Variants in CCDC148 observed in about 807,000 individuals in gnomAD.
CCDC148 encodes the protein coiled-coil domain containing 148.
A neutral mutation model predicts 85.7 loss-of-function variants in CCDC148; 89 were observed. The ratio of observed to expected loss-of-function variants is 1.04; its 90% CI spans 0.87 to 1.24. CCDC148 has a LOEUF of 1.24. Ranked by LOEUF, CCDC148 falls within the 50% of genes most tolerant of loss-of-function variation. The probability of loss-of-function intolerance (pLI) is 0.00; values close to 1 mark genes in which losing one functional copy is unlikely to be tolerated. For synonymous variants in CCDC148, 230 were observed against 213.9 expected (o/e 1.08, Z -0.66); for missense variants, 692 against 671.7 (o/e 1.03, Z -0.33).
At chr2:158,226,584 G>C (rs112833309) in intron 10 of CCDC148, among the ~76,000 whole-genome samples, 99,885 of 151,950 alleles carry the variant, frequency 0.66, 34,011 homozygotes, top group East Asian at 0.89. Flanking sequence ...GAATCCAGCT[G>C]CACATCAAAA....
At chr2:158,291,081 C>T (rs941306534) in intron 9 of CCDC148, among the ~76,000 whole-genome samples, 10 of 151,786 alleles carry the variant, frequency 6.6e-5, no homozygotes, top group African/African-American at 2.4e-4. Flanking sequence ...CCATCGCTGC[C>T]CCTAACGTTC....
chr2:158,454,582 A>G (rs879569747), intron 1 of CCDC148, among the ~76,000 whole-genome samples: 8 of 152,246 alleles, frequency 5.3e-5, no homozygotes, highest in Non-Finnish European at 1.0e-4. Context: ...GCAGAAGTGC[A>G]GGAAAACCAC....
At chr2:158,237,678 T>C (rs191786953) in intron 10 of CCDC148, among the ~76,000 whole-genome samples, 270 of 152,246 alleles carry the variant, frequency 1.8e-3, no homozygotes, top group Non-Finnish European at 3.2e-3. Context: ...CATATGAGTT[T>C]GGAGTTCAAA....
In CCDC148 at chr2:158,456,566, A is replaced by T. The variant is rs1374097416; in HGVS notation, c.-127T>A. ...GCTGTTCCTACCTTTGACGCCAGGG[A>T]CAAACCCTACCAGGCACAGTTGGGA... On this transcript the variant is annotated 5_prime_UTR_variant, in exon 1 of 14. Transcript: ENST00000283233. 2 of 1,188,546 alleles carry T rather than the reference A, an allele frequency of 1.7e-6. No homozygotes were observed. The highest frequency in any genetic ancestry group is 1.6e-5 in the African/African-American group (1 of 64,444). The allele number at this position is 1,188,546 out of a possible 1,614,324, so 73.6% of individuals were successfully genotyped here.
At position 158,309,462 on chromosome 2, in the gene CCDC148, G is replaced by C. The variant is rs368760302; in HGVS notation, c.1081C>G (p.Gln361Glu). 1.9e-6 allele frequency: 3 copies of C among 1,613,946 alleles called. No homozygotes were observed. Among genetic ancestry groups the C allele is most frequent in the Non-Finnish European group, 1.7e-6 (2 of 1,179,990 alleles). ...GCTTTCAGATCAGCACACAATTCCTGTTGCTTTTTCTTGTCCTTAGCCAAC... is the reference window on the plus strand; with the variant it reads ...GCTTTCAGATCAGCACACAATTCCTCTTGCTTTTTCTTGTCCTTAGCCAAC... The part of the protein sequence containing the change: ...SMLAKDKKKQ[Q>E]ELCADLKAKV... The change falls in exon 9 of 14, where the codon CAG (glutamine) becomes GAG (glutamate). Residue 361 changes from glutamine (Q) to glutamate (E), a missense_variant. Coordinates refer to ENST00000283233, the MANE Select transcript of CCDC148 (RefSeq NM_138803.4).
At chr2:158,435,941 T>C (rs1047785328) in intron 1 of CCDC148, among the ~76,000 whole-genome samples, 1 of 152,154 alleles carries the variant, frequency 6.6e-6, no homozygotes, top group Admixed American at 6.5e-5. Context: ...CCTAAATATA[T>C]ATGCACCCAA....
intron 1 of CCDC148, among the ~76,000 whole-genome samples, chr2:158,455,578 C>A (rs1262698541): frequency 6.6e-6 from 1 of 152,128 alleles, no homozygotes; most frequent in Non-Finnish European, 1.5e-5. Flanking sequence ...TTGTAATTTC[C>A]AAAATCCTAT....
chr2:158,283,714 G>A (rs1327497887), intron 9 of CCDC148, among the ~76,000 whole-genome samples: 2 of 151,942 alleles, frequency 1.3e-5, no homozygotes, highest in African/African-American at 2.4e-5. Context: ...GGAAGTCAGT[G>A]TGGCGATTCC....
At chr2:158,266,592 C>T (rs1322461384) in intron 9 of CCDC148, among the ~76,000 whole-genome samples, 1 of 151,994 alleles carries the variant, frequency 6.6e-6, no homozygotes, top group Non-Finnish European at 1.5e-5. Context: ...TACAGTGAAC[C>T]CAATTTGTAG....
At chr2:158,239,888 G>T (rs1042968652) in intron 10 of CCDC148, among the ~76,000 whole-genome samples, 3 of 150,108 alleles carry the variant, frequency 2.0e-5, no homozygotes, top group Non-Finnish European at 4.4e-5. Flanking sequence ...TACCAATTAG[G>T]TTTTTTTTTT....
intron 11 of CCDC148, among the ~76,000 whole-genome samples, chr2:158,214,586 C>T (rs527764123): frequency 1.3e-5 from 2 of 152,244 alleles, no homozygotes; most frequent in South Asian, 4.1e-4. Context: ...CTTTGTCTTC[C>T]TTTAGCCTCC....
rs192778906 is a variant in CCDC148 at position 158,277,745 on chromosome 2, C to T, written c.1111-26833G>A. Among the ~76,000 whole-genome samples, 664 of 152,192 alleles carry T rather than the reference C, an allele frequency of 4.4e-3. 14 individuals carry two copies. Among genetic ancestry groups the T allele is most frequent in the East Asian group, 6.8e-3 (35 of 5,168 alleles). ...CCGAGTAGCTGGGACTACAGGCGCC[C>T]GCCATCATGCCCAGCTAATTTTTTG... On this transcript the variant is annotated intron_variant, in intron 9 of 13. Transcript: ENST00000283233.
intron 11 of CCDC148, among the ~76,000 whole-genome samples, chr2:158,183,000 G>A (rs1684977334): frequency 6.6e-6 from 1 of 152,108 alleles, no homozygotes; most frequent in Non-Finnish European, 1.5e-5. Flanking sequence ...GTCAGGAAGT[G>A]GCTAAACTCA....
intron 9 of CCDC148, among the ~76,000 whole-genome samples, chr2:158,272,610 T>C (rs1204474276): frequency 6.6e-6 from 1 of 151,978 alleles, no homozygotes; most frequent in East Asian, 1.9e-4. Context: ...CCCCTGAGAG[T>C]AGGATGCACA....
At chr2:158,408,136 G>A (rs1686103980) in intron 1 of CCDC148, among the ~76,000 whole-genome samples, 1 of 151,902 alleles carries the variant, frequency 6.6e-6, no homozygotes, top group Non-Finnish European at 1.5e-5. Flanking sequence ...AAATATTTAA[G>A]GTATAAAACT....
intron 1 of CCDC148, among the ~76,000 whole-genome samples, chr2:158,420,416 G>C (rs1190653681): frequency 6.6e-6 from 1 of 152,192 alleles, no homozygotes; most frequent in Non-Finnish European, 1.5e-5. Flanking sequence ...AGCCAGAAGA[G>C]AGTGGGGGCC....
At chr2:158,310,606 G>A (rs548542007) in intron 8 of CCDC148, among the ~76,000 whole-genome samples, 147 of 151,376 alleles carry the variant, frequency 9.7e-4, no homozygotes, top group Non-Finnish European at 1.7e-3. Context: ...CTTCTCAGAC[G>A]GGGCGGCCAG....
intron 7 of CCDC148, 118 bp downstream of exon 7, chr2:158,338,608 T>C: frequency 1.4e-6 from 1 of 709,972 alleles, no homozygotes. Flanking sequence ...TCTAAACATT[T>C]ATTGATTGTA....
At chr2:158,328,643 G>C (rs1332449903) in intron 7 of CCDC148, among the ~76,000 whole-genome samples, 1 of 152,056 alleles carries the variant, frequency 6.6e-6, no homozygotes, top group Non-Finnish European at 1.5e-5. Flanking sequence ...GTGTAAAAGT[G>C]CTCCTATTTC....
Sources: gnomAD v4.1 joint callset for allele counts (sites outside exome capture counted in the v4.1 genomes callset) on GRCh38, gnomAD v4.1.1 for gene constraint, MANE v1.5 for transcripts, NCBI Gene and HGNC (gene_info 2026-07-23, HGNC 2026-07-21) for gene names.